Variants in NAA16 observed in about 807,000 individuals in gnomAD.
NAA16 encodes NARG1-like protein.
Under a neutral mutation model 110.3 loss-of-function variants are expected in NAA16, and 97 were observed. The observed-to-expected ratio is 0.88, with a 90% CI of 0.75 to 1.04. The LOEUF (loss-of-function observed/expected upper bound fraction) is 1.04. Among genes scored for constraint, NAA16 ranks in the 50% least tolerant of loss-of-function variants. NAA16 has a pLI of 0.00. For missense variants in NAA16, 1,017 were observed against 1,005.1 expected (o/e 1.01, Z -0.16); for synonymous variants, 372 against 330.6 (o/e 1.13, Z -1.36).
chr13:41,333,989 TC>T (rs1468473053), intron 8 of NAA16, among the ~76,000 whole-genome samples: 3 of 152,086 alleles, frequency 2.0e-5, no homozygotes, highest in Non-Finnish European at 4.4e-5. Flanking sequence ...TTCAAGGTCA[TC>T]ATCGCTTTGA....
chr13:41,353,813 A>G (rs930461582), intron 9 of NAA16, among the ~76,000 whole-genome samples: 1 of 151,588 alleles, frequency 6.6e-6, no homozygotes, highest in Non-Finnish European at 1.5e-5. Context: ...CCCAAAACAG[A>G]TTGTACAGAA....
chr13:41,320,370 C>T (rs1310140575), intron 3 of NAA16, among the ~76,000 whole-genome samples: 2 of 152,122 alleles, frequency 1.3e-5, no homozygotes, highest in African/African-American at 2.4e-5. Context: ...GCTAAGAATT[C>T]TTTAAGGTTA....
intron 9 of NAA16, among the ~76,000 whole-genome samples, chr13:41,353,679 A>G (rs1240167568): frequency 6.6e-6 from 1 of 151,732 alleles, no homozygotes; most frequent in Non-Finnish European, 1.5e-5. Context: ...AGGTGGGACA[A>G]TTGCTTGAGC....
chr13:41,316,773 A>T (rs1220987973), intron 1 of NAA16, 73 bp from the exon 2 acceptor site: 1 of 966,018 alleles, frequency 1.0e-6, no homozygotes, highest in African/African-American at 1.6e-5. Context: ...AGTTTAGAAT[A>T]TATGATGCTG....
chr13:41,330,664 T>C (rs1453115912), intron 7 of NAA16, among the ~76,000 whole-genome samples: 1 of 152,082 alleles, frequency 6.6e-6, no homozygotes, highest in Non-Finnish European at 1.5e-5. Flanking sequence ...ATACATCCTT[T>C]ATGTGGTACT....
chr13:41,323,846 G>A (rs1430145536), intron 5 of NAA16, among the ~76,000 whole-genome samples: 2 of 152,032 alleles, frequency 1.3e-5, no homozygotes, highest in East Asian at 1.9e-4. Context: ...GAGATGGTGT[G>A]GATTGAGTCA....
chr13:41,364,104 T>C (rs1398123988), intron 13 of NAA16, among the ~76,000 whole-genome samples: 1 of 152,146 alleles, frequency 6.6e-6, no homozygotes, highest in Non-Finnish European at 1.5e-5. Flanking sequence ...AGATTTATTA[T>C]AATAGGTATC....
At chr13:41,320,877 A>G (rs2041928458) in intron 4 of NAA16, 53 bp downstream of exon 4, 1 of 1,491,758 alleles carries the variant, frequency 6.7e-7, no homozygotes, top group Non-Finnish European at 9.0e-7. Context: ...AAAATTTAAG[A>G]GCGTGTCATT....
chr13:41,354,782 A>T (rs1250257135), intron 9 of NAA16: 1 of 158,642 alleles, frequency 6.3e-6, no homozygotes, highest in Non-Finnish European at 1.4e-5. Context: ...AGTCATTTTT[A>T]ATTTCACTTA....
rs371487170 is a variant in NAA16 at position 41,351,516 on chromosome 13, G to GA, written c.1015-3621dup. On this transcript the variant is annotated intron_variant, in intron 9 of 19. Coordinates refer to ENST00000379406, the MANE Select transcript of NAA16 (RefSeq NM_024561.5). ...AACCTGTGATTTGTCTCTTCATTGC[G>GA]AAAAAAATGTGTATCGGTTATGATG... 4.5e-3 allele frequency among the ~76,000 whole-genome samples: 682 copies of GA among 152,030 alleles called. 6 individuals carry two copies. The highest frequency in any genetic ancestry group is 0.016 in the African/African-American group (646 of 41,488).
At chr13:41,366,091 A>G (rs1243684980) in intron 13 of NAA16, among the ~76,000 whole-genome samples, 1 of 152,160 alleles carries the variant, frequency 6.6e-6, no homozygotes, top group African/African-American at 2.4e-5. Context: ...TTAAAAAAAA[A>G]GTTCATGTTA....
intron 8 of NAA16, among the ~76,000 whole-genome samples, chr13:41,331,869 C>T (rs531580502): frequency 6.6e-6 from 1 of 152,208 alleles, no homozygotes; most frequent in South Asian, 2.1e-4. Flanking sequence ...TTGATCGTTA[C>T]ACGTTCTCTG....
intron 9 of NAA16, among the ~76,000 whole-genome samples, chr13:41,352,990 G>A (rs1304413922): frequency 6.6e-6 from 1 of 151,908 alleles, no homozygotes; most frequent in Non-Finnish European, 1.5e-5. Context: ...GGTGGCGGGT[G>A]CCTGTAATCC....
chr13:41,330,829 A>G (rs1215166017), intron 7 of NAA16, among the ~76,000 whole-genome samples: 3 of 152,098 alleles, frequency 2.0e-5, no homozygotes, highest in East Asian at 1.9e-4. Flanking sequence ...AACATTTGCA[A>G]TCGTAATCCT....
chr13:41,347,033 A>G (rs2042699529), intron 9 of NAA16, among the ~76,000 whole-genome samples: 2 of 151,976 alleles, frequency 1.3e-5, no homozygotes, highest in Admixed American at 1.3e-4. Context: ...CCTGGCCAAC[A>G]TGGTGAAACC....
intron 9 of NAA16, among the ~76,000 whole-genome samples, chr13:41,341,036 T>G (rs535599605): frequency 6.6e-6 from 1 of 152,212 alleles, no homozygotes; most frequent in African/African-American, 2.4e-5. Flanking sequence ...TGTTGTGATA[T>G]GTTTTCTTTT....
intron 9 of NAA16, among the ~76,000 whole-genome samples, chr13:41,345,505 A>G (rs2042657901): frequency 6.6e-6 from 1 of 152,000 alleles, no homozygotes; most frequent in Non-Finnish European, 1.5e-5. Context: ...TTCTTTGCCC[A>G]TTTTTAGATT....
At chr13:41,331,704 TAGAA>T (rs1351647716) in intron 8 of NAA16, among the ~76,000 whole-genome samples, 3 of 151,886 alleles carry the variant, frequency 2.0e-5, no homozygotes, top group African/African-American at 7.3e-5. Context: ...TACAGTTAGA[TAGAA>T]GGAATAAGTT....
At chr13:41,361,600 G>A (rs924818124) in intron 12 of NAA16, among the ~76,000 whole-genome samples, 3 of 152,184 alleles carry the variant, frequency 2.0e-5, no homozygotes, top group Non-Finnish European at 4.4e-5. Context: ...TAAATAAGAC[G>A]TTATGTATAT....
Sources: gnomAD v4.1 joint callset for allele counts (sites outside exome capture counted in the v4.1 genomes callset) on GRCh38, gnomAD v4.1.1 for gene constraint, MANE v1.5 for transcripts, NCBI Gene and HGNC (gene_info 2026-07-23, HGNC 2026-07-21) for gene names.